ZNF536: variants seen among roughly 807,000 people sequenced by gnomAD.
The protein encoded by ZNF536 is zinc finger protein 536.
A neutral mutation model predicts 84.5 loss-of-function variants in ZNF536; 13 were observed. The observed-to-expected ratio is 0.15, with a 90% confidence interval of 0.10 to 0.24. ZNF536 has a LOEUF of 0.24. Among genes scored for constraint, ZNF536 ranks in the 10% least tolerant of loss-of-function variants. The probability of loss-of-function intolerance (pLI) is 1.00; values close to 1 mark genes in which losing one functional copy is unlikely to be tolerated. For missense variants in ZNF536, 1,536 were observed against 1,747.5 expected, an observed-to-expected ratio of 0.88 and a Z score of 2.16; for synonymous variants, 811 against 742.5, an observed-to-expected ratio of 1.09 and a Z score of -1.50.
chr19:30,572,569 G>A lies in ZNF536; in HGVS notation c.169+23055G>A, dbSNP rs138088039. Among the ~76,000 whole-genome samples the A allele has an allele frequency of 9.4e-3, 1,430 of 152,350 alleles. 10 individuals carry two copies. Among genetic ancestry groups the A allele is most frequent in the Non-Finnish European group, 0.015 (1,003 of 68,040 alleles). ...GAGATGATTCCATCATGGGGAAGGT[G>A]CATGGTTACTTGTCCATGTACTTTA... On this transcript the variant is annotated intron_variant, in intron 1 of 1. Coordinates refer to the ZNF536 transcript ENST00000592773.
intron 2 of ZNF536, among the ~76,000 whole-genome samples, chr19:30,486,471 T>G (rs1483499862): frequency 6.6e-6 from 1 of 152,244 alleles, no homozygotes. Context: ...ATGGTATACA[T>G]GTACCACATT....
intron 1 of ZNF536, among the ~76,000 whole-genome samples, chr19:30,565,043 G>A (rs2046302229): frequency 6.6e-6 from 1 of 152,146 alleles, no homozygotes; most frequent in Non-Finnish European, 1.5e-5. Context: ...TGATTAAGAT[G>A]CACTTCTGTT....
intron 2 of ZNF536, among the ~76,000 whole-genome samples, chr19:30,508,858 T>G (rs548285180): frequency 9.7e-5 from 14 of 144,382 alleles, no homozygotes; most frequent in Admixed American, 8.3e-4. Context: ...GTCAGGGTCT[T>G]GCTCTGTCAC....
In ZNF536 at chr19:30,515,117, T is replaced by G. The variant is rs142513775; in HGVS notation, c.2171-19730T>G. Among the ~76,000 whole-genome samples the G allele has an allele frequency of 2.7e-3, 417 of 152,022 alleles. 2 individuals are homozygous for G. The highest frequency in any genetic ancestry group is 9.6e-3 in the African/African-American group (396 of 41,452). On this transcript the variant is annotated intron_variant, in intron 2 of 4. Coordinates refer to ENST00000355537, the MANE Select transcript of ZNF536 (RefSeq NM_014717.3). ...AACACCAGAAAAAACTAAAAATTAG[T>G]TGGGTGTGGTGACTCACACCTGTAG...
chr19:30,661,057 A>T (rs909864825), intron 1 of ZNF536, among the ~76,000 whole-genome samples: 3 of 152,212 alleles, frequency 2.0e-5, no homozygotes, highest in African/African-American at 7.2e-5. Context: ...TGATTCCGTG[A>T]TCGGAATTTT....
chr19:30,461,802 C>T (rs1377142038), intron 2 of ZNF536, among the ~76,000 whole-genome samples: 2 of 152,190 alleles, frequency 1.3e-5, no homozygotes, highest in Non-Finnish European at 2.9e-5. Context: ...CCCGCAGCTC[C>T]GTGTGGGGAG....
At chr19:30,507,934 G>A (rs1396822743) in intron 2 of ZNF536, among the ~76,000 whole-genome samples, 1 of 152,084 alleles carries the variant, frequency 6.6e-6, no homozygotes. Context: ...TTTGATTAAT[G>A]GCTTTCTTCC....
chr19:30,626,359 A>AT lies in ZNF536; in HGVS notation c.169+76855dup, dbSNP rs71333462. 1.8e-3 allele frequency among the ~76,000 whole-genome samples: 262 copies of AT among 149,620 alleles called. 1 individual carries two copies. The highest frequency in any genetic ancestry group is 7.3e-3 in the East Asian group (37 of 5,092). On this transcript the variant is annotated intron_variant, in intron 1 of 1. Transcript: ENST00000592773. The stretch of plus-strand genomic sequence containing the variant: ...ATTAAAATAAGATTTTCTGGGGGTT[A>AT]TTTTTTTTTTCTTTTCACTGGTAGA...
At chr19:30,437,372 A>G (rs1476458756) in intron 1 of ZNF536, among the ~76,000 whole-genome samples, 1 of 152,224 alleles carries the variant, frequency 6.6e-6, no homozygotes, top group African/African-American at 2.4e-5. Flanking sequence ...CAAAATAACC[A>G]TTAGCACCAT....
At chr19:30,289,420 G>T (rs2045756009) in intron 2 of ZNF536, among the ~76,000 whole-genome samples, 1 of 152,198 alleles carries the variant, frequency 6.6e-6, no homozygotes, top group Non-Finnish European at 1.5e-5. Context: ...TTCTGTCCCT[G>T]ACAAGATCAC....
intron 1 of ZNF536, among the ~76,000 whole-genome samples, chr19:30,276,101 G>A (rs990035712): frequency 3.3e-5 from 5 of 152,034 alleles, no homozygotes; most frequent in Non-Finnish European, 7.4e-5. Context: ...CAGGGCCACC[G>A]GGGGAGTGCA....
At chr19:30,441,113 A>G (rs1464754231) in intron 1 of ZNF536, among the ~76,000 whole-genome samples, 1 of 152,144 alleles carries the variant, frequency 6.6e-6, no homozygotes, top group Non-Finnish European at 1.5e-5. Context: ...CGCATTGCAC[A>G]TTCAGCCTTC....
downstream of ZNF536, among the ~76,000 whole-genome samples, chr19:30,560,009 G>T (rs1271692138): frequency 6.6e-6 from 1 of 151,942 alleles, no homozygotes; most frequent in African/African-American, 2.4e-5. Context: ...TCTCATTTCA[G>T]GGCACTCACG....
At chr19:30,436,606 G>A (rs1209233665) in intron 1 of ZNF536, 6 of 634,036 alleles carry the variant, frequency 9.5e-6, no homozygotes, top group Non-Finnish European at 1.2e-5. Context: ...CTGATGTTCT[G>A]TATTTCAGAA....
chr19:30,454,906 G>A (rs558429649), intron 2 of ZNF536, among the ~76,000 whole-genome samples: 19 of 152,250 alleles, frequency 1.2e-4, no homozygotes, highest in Non-Finnish European at 1.8e-4. Flanking sequence ...GGTTGTGGGC[G>A]CCTGTAATCC....
chr19:30,347,927 T>G (rs2146660154), intron 2 of ZNF536, among the ~76,000 whole-genome samples: 1 of 152,316 alleles, frequency 6.6e-6, no homozygotes, highest in East Asian at 1.9e-4. Context: ...GGGGCCCTAC[T>G]TAGGATGTCT....
At chr19:30,402,228 T>C (rs2050072600) in intron 1 of ZNF536, among the ~76,000 whole-genome samples, 1 of 152,108 alleles carries the variant, frequency 6.6e-6, no homozygotes, top group African/African-American at 2.4e-5. Context: ...CAAACTAAAT[T>C]GAACCCTGTC....
intron 1 of ZNF536, among the ~76,000 whole-genome samples, chr19:30,595,834 C>A (rs780716830): frequency 6.6e-6 from 1 of 152,112 alleles, no homozygotes; most frequent in African/African-American, 2.4e-5. Flanking sequence ...ACAAGCCTTT[C>A]TAGTGTCAGG....
intron 2 of ZNF536, among the ~76,000 whole-genome samples, chr19:30,516,038 A>AAG (rs2055630573): frequency 6.6e-6 from 1 of 151,630 alleles, no homozygotes; most frequent in African/African-American, 2.4e-5. Context: ...AAAAAAAAAA[A>AAG]AAAAGAAAAA....
Sources: allele counts gnomAD v4.1 joint callset (sites outside exome capture counted in the v4.1 genomes callset), GRCh38; gene constraint gnomAD v4.1.1; transcripts MANE v1.5; gene names NCBI Gene and HGNC (gene_info 2026-07-23, HGNC 2026-07-21).